CSMD3: variants seen among roughly 807,000 people sequenced by gnomAD.
CSMD3 encodes the protein CUB and sushi domain-containing protein 3.
In CSMD3, 177 loss-of-function variants were observed where a neutral mutation model predicts 435.2. That is an observed-to-expected ratio of 0.41 (90% confidence interval 0.36 to 0.46). The LOEUF (loss-of-function observed/expected upper bound fraction) is 0.46. CSMD3 is among the 20% of genes least tolerant of loss of function. CSMD3 has a pLI of 0.34. For synonymous variants in CSMD3, 1,656 were observed against 1,520.5 expected, an observed-to-expected ratio of 1.09 and a Z score of -2.07; for missense variants, 4,265 against 4,504.6, an observed-to-expected ratio of 0.95 and a Z score of 1.52.
intron 27 of CSMD3, among the ~76,000 whole-genome samples, chr8:112,521,917 C>T (rs1263884770): frequency 6.6e-6 from 1 of 151,424 alleles, no homozygotes; most frequent in Non-Finnish European, 1.5e-5. Flanking sequence ...ATTATAATAA[C>T]CATATAAAAA....
chr8:112,295,753 A>G (rs2130712146), intron 54 of CSMD3, 80 bp downstream of exon 54: 5 of 1,148,746 alleles, frequency 4.4e-6, no homozygotes, highest in Non-Finnish European at 6.4e-6. Flanking sequence ...AACATAATAT[A>G]TATATTCATC....
intron 35 of CSMD3, among the ~76,000 whole-genome samples, chr8:112,399,016 A>T (rs1831091425): frequency 6.6e-6 from 1 of 151,766 alleles, no homozygotes. Context: ...TCCCAGGTTC[A>T]ATCAATTCTC....
chr8:112,535,475 G>A (rs1825980383), intron 27 of CSMD3, among the ~76,000 whole-genome samples: 1 of 151,404 alleles, frequency 6.6e-6, no homozygotes, highest in Non-Finnish European at 1.5e-5. Context: ...GGATGTGAAG[G>A]ACCTCTTCAA....
intron 30 of CSMD3, among the ~76,000 whole-genome samples, chr8:112,497,480 AATAT>A (rs34936636): frequency 0.025 from 3,551 of 144,486 alleles, 117 homozygotes; most frequent in African/African-American, 0.074. Context: ...GTACTCCATA[AATAT>A]ATATATATAT....
At chr8:112,353,262 G>A (rs547023414) in intron 38 of CSMD3, among the ~76,000 whole-genome samples, 5 of 151,948 alleles carry the variant, frequency 3.3e-5, no homozygotes, top group Non-Finnish European at 5.9e-5. Flanking sequence ...GTGGTGGCAG[G>A]TGCTGTAATC....
chr8:113,179,819 T>TA (rs59927532), intron 3 of CSMD3, among the ~76,000 whole-genome samples: 1 of 151,354 alleles, frequency 6.6e-6, no homozygotes, highest in Non-Finnish European at 1.5e-5. Flanking sequence ...AAGAAATTTT[T>TA]AAAAAAAAGT....
intron 13 of CSMD3, among the ~76,000 whole-genome samples, chr8:112,708,172 A>G (rs1226116511): frequency 2.6e-5 from 4 of 151,762 alleles, no homozygotes; most frequent in African/African-American, 9.7e-5. Flanking sequence ...AAGGAAGTTA[A>G]ATTTCATATG....
chr8:112,860,028 A>C (rs536045466), intron 10 of CSMD3, among the ~76,000 whole-genome samples: 1 of 151,948 alleles, frequency 6.6e-6, no homozygotes, highest in African/African-American at 2.4e-5. Context: ...TGAACAGTTA[A>C]ATGTATATTT....
intron 5 of CSMD3, among the ~76,000 whole-genome samples, chr8:113,050,980 T>A (rs529247900): frequency 7.2e-5 from 11 of 152,130 alleles, no homozygotes; most frequent in African/African-American, 2.6e-4. Flanking sequence ...TAACATTTGG[T>A]GGGAGAAGGG....
At chr8:113,032,858 C>T (rs1437940060) in intron 5 of CSMD3, among the ~76,000 whole-genome samples, 1 of 151,478 alleles carries the variant, frequency 6.6e-6, no homozygotes, top group Non-Finnish European at 1.5e-5. Context: ...ACTCAGGGCC[C>T]CATTGGTCTG....
intron 5 of CSMD3, among the ~76,000 whole-genome samples, chr8:113,094,013 A>T (rs2090087665): frequency 6.6e-6 from 1 of 152,142 alleles, no homozygotes; most frequent in Admixed American, 6.6e-5. Flanking sequence ...TAAGTCAAAC[A>T]TCCAATAGGA....
chr8:112,296,280 C>T (rs1050855539), intron 53 of CSMD3, among the ~76,000 whole-genome samples: 18 of 151,908 alleles, frequency 1.2e-4, no homozygotes, highest in Non-Finnish European at 2.1e-4. Context: ...AGGCTGGGCA[C>T]GGTGGTTCAC....
intron 66 of CSMD3, among the ~76,000 whole-genome samples, chr8:112,241,034 A>G (rs911028355): frequency 6.6e-6 from 1 of 151,998 alleles, no homozygotes; most frequent in Non-Finnish European, 1.5e-5. Context: ...CTTTATCAGG[A>G]GTGTGAAAAC....
At chr8:112,625,950 C>A (rs1834441122) in intron 22 of CSMD3, among the ~76,000 whole-genome samples, 1 of 151,952 alleles carries the variant, frequency 6.6e-6, no homozygotes, top group South Asian at 2.1e-4. Flanking sequence ...CCCATATGTT[C>A]CTTCTTGACT....
At chr8:113,382,458 TTC>T (rs1164094142) in intron 1 of CSMD3, among the ~76,000 whole-genome samples, 1 of 152,180 alleles carries the variant, frequency 6.6e-6, no homozygotes, top group Non-Finnish European at 1.5e-5. Context: ...TGGGTGATTT[TTC>T]TCTTTTTCAT....
chr8:112,670,983 T>C (rs998510409), intron 16 of CSMD3, among the ~76,000 whole-genome samples: 51 of 152,284 alleles, frequency 3.3e-4, no homozygotes, highest in African/African-American at 1.2e-3. Flanking sequence ...TATTGTCCAA[T>C]AGCCAGTATA....
chr8:112,985,082 A>T (rs1011705648), intron 6 of CSMD3, among the ~76,000 whole-genome samples: 2 of 152,122 alleles, frequency 1.3e-5, no homozygotes, highest in African/African-American at 4.8e-5. Flanking sequence ...ATAGCTATTT[A>T]AAAAATAACC....
intron 3 of CSMD3, among the ~76,000 whole-genome samples, chr8:113,202,574 T>C (rs753851413): frequency 6.6e-6 from 1 of 152,148 alleles, no homozygotes; most frequent in Non-Finnish European, 1.5e-5. Flanking sequence ...TTCTTTGATA[T>C]TTCCTTTTAT....
At chr8:112,818,193 A>G (rs1164109293) in intron 12 of CSMD3, among the ~76,000 whole-genome samples, 1 of 152,064 alleles carries the variant, frequency 6.6e-6, no homozygotes, top group Non-Finnish European at 1.5e-5. Context: ...ACAATACTTA[A>G]TTCAATACTT....
Sources: allele counts gnomAD v4.1 joint callset (sites outside exome capture counted in the v4.1 genomes callset), GRCh38; gene constraint gnomAD v4.1.1; transcripts MANE v1.5; gene names NCBI Gene and HGNC (gene_info 2026-07-23, HGNC 2026-07-21).